Variants in GALNT17 observed in about 807,000 individuals in gnomAD.
GALNT17 encodes polypeptide N-acetylgalactosaminyltransferase 17.
A neutral mutation model predicts 63.7 loss-of-function variants in GALNT17; 29 were observed. The ratio of observed to expected loss-of-function variants is 0.46; its 90% CI spans 0.34 to 0.62. The LOEUF (loss-of-function observed/expected upper bound fraction) is 0.62. GALNT17 is among the 20% of genes least tolerant of loss of function. The pLI is 0.01. For synonymous variants in GALNT17, 305 were observed against 318.3 expected (o/e 0.96, Z 0.45); for missense variants, 603 against 799.6 (o/e 0.75, Z 2.97).
intron 1 of GALNT17, among the ~76,000 whole-genome samples, chr7:71,193,899 C>T (rs1032043742): frequency 2.6e-5 from 4 of 152,150 alleles, no homozygotes; most frequent in African/African-American, 9.7e-5. Context: ...GTTTTACTCT[C>T]TTTCGGGGCG....
At chr7:71,277,567 C>A (rs1227557976) in intron 1 of GALNT17, among the ~76,000 whole-genome samples, 1 of 152,188 alleles carries the variant, frequency 6.6e-6, no homozygotes. Context: ...TGACATGTCA[C>A]ATTTTTAAAA....
intron 6 of GALNT17, among the ~76,000 whole-genome samples, chr7:71,646,609 A>G (rs1430177014): frequency 1.3e-5 from 2 of 152,246 alleles, no homozygotes; most frequent in Non-Finnish European, 2.9e-5. Context: ...CACATGGGTC[A>G]GACCCCTCAT....
chr7:71,663,914 A>T (rs1276980282), intron 6 of GALNT17, among the ~76,000 whole-genome samples: 1 of 152,204 alleles, frequency 6.6e-6, no homozygotes, highest in African/African-American at 2.4e-5. Flanking sequence ...TATGCAGAGC[A>T]TACAGTGTCT....
intron 6 of GALNT17, among the ~76,000 whole-genome samples, chr7:71,601,658 G>A (rs1046368945): frequency 6.6e-6 from 1 of 152,006 alleles, no homozygotes; most frequent in Non-Finnish European, 1.5e-5. Flanking sequence ...GGTAGTGCTC[G>A]CCTGTGGTCC....
At chr7:71,518,453 C>G (rs1427405246) in intron 5 of GALNT17, among the ~76,000 whole-genome samples, 4 of 152,184 alleles carry the variant, frequency 2.6e-5, no homozygotes, top group Non-Finnish European at 4.4e-5. Flanking sequence ...ATGTGCTATG[C>G]TTTGACTGTG....
At chr7:71,690,325 G>C (rs1791423259) in intron 9 of GALNT17, among the ~76,000 whole-genome samples, 1 of 151,040 alleles carries the variant, frequency 6.6e-6, no homozygotes, top group Admixed American at 6.6e-5. Flanking sequence ...CGCCTGGCCG[G>C]TTTGCTGATT....
At chr7:71,589,677 G>C (rs1440521304) in intron 6 of GALNT17, among the ~76,000 whole-genome samples, 1 of 152,112 alleles carries the variant, frequency 6.6e-6, no homozygotes, top group Non-Finnish European at 1.5e-5. Context: ...CAGTGCTCGT[G>C]AGATTTCTGT....
At chr7:71,318,729 C>T (rs1330358232) in intron 1 of GALNT17, among the ~76,000 whole-genome samples, 1 of 152,152 alleles carries the variant, frequency 6.6e-6, no homozygotes, top group East Asian at 1.9e-4. Context: ...CTTGCGGCCC[C>T]CTGCAGCTCT....
chr7:71,578,928 CT>C (rs1789583121), intron 6 of GALNT17, among the ~76,000 whole-genome samples: 2 of 152,164 alleles, frequency 1.3e-5, no homozygotes, highest in Non-Finnish European at 2.9e-5. Context: ...CCAAAGCCTT[CT>C]GTGGCCTGTG....
At chr7:71,408,326 T>C (rs1348102976) in intron 3 of GALNT17, among the ~76,000 whole-genome samples, 1 of 152,212 alleles carries the variant, frequency 6.6e-6, no homozygotes, top group Non-Finnish European at 1.5e-5. Flanking sequence ...AACCCATGCA[T>C]TCACAGTGAG....
At chr7:71,269,831 G>A (rs1381350050) in intron 1 of GALNT17, among the ~76,000 whole-genome samples, 1 of 152,184 alleles carries the variant, frequency 6.6e-6, no homozygotes, top group Non-Finnish European at 1.5e-5. Flanking sequence ...GGGAGGTGAT[G>A]GAAGACGGAT....
intron 1 of GALNT17, among the ~76,000 whole-genome samples, chr7:71,304,901 G>A (rs942641035): frequency 6.6e-6 from 1 of 152,040 alleles, no homozygotes; most frequent in African/African-American, 2.4e-5. Flanking sequence ...CCGCCACCAT[G>A]CCTGACTAAT....
At chr7:71,680,881 T>TCC (rs529056100) in intron 9 of GALNT17, among the ~76,000 whole-genome samples, 1 of 146,878 alleles carries the variant, frequency 6.8e-6, no homozygotes, top group African/African-American at 2.5e-5. Context: ...CTTCCTTCCT[T>TCC]TTCTTCCTTC....
intron 2 of GALNT17, among the ~76,000 whole-genome samples, chr7:71,373,563 T>A (rs908581464): frequency 6.6e-6 from 1 of 152,158 alleles, no homozygotes; most frequent in Admixed American, 6.5e-5. Context: ...CAAGCGAAGC[T>A]TCACCTGTAT....
intron 9 of GALNT17, among the ~76,000 whole-genome samples, chr7:71,702,482 A>T (rs1263441012): frequency 6.6e-6 from 1 of 152,164 alleles, no homozygotes; most frequent in African/African-American, 2.4e-5. Context: ...CTGGAAGCTC[A>T]GAAAGCCATT....
intron 5 of GALNT17, among the ~76,000 whole-genome samples, chr7:71,439,980 C>G (rs1347500350): frequency 7.2e-6 from 1 of 138,324 alleles, no homozygotes; most frequent in South Asian, 2.4e-4. Context: ...GAATTTCACT[C>G]TGTCACCCAG....
intron 2 of GALNT17, among the ~76,000 whole-genome samples, chr7:71,347,699 G>C (rs1045373731): frequency 6.6e-6 from 1 of 152,086 alleles, no homozygotes; most frequent in African/African-American, 2.4e-5. Context: ...TCTGGGGAGG[G>C]TATTTTCCTT....
At chr7:71,206,849 T>C (rs1234531596) in intron 1 of GALNT17, among the ~76,000 whole-genome samples, 1 of 152,146 alleles carries the variant, frequency 6.6e-6, no homozygotes, top group Admixed American at 6.5e-5. Context: ...CTCAAGCCTG[T>C]AATCCCAGCA....
chr7:71,246,957 G>A (rs1329467298), intron 1 of GALNT17, among the ~76,000 whole-genome samples: 1 of 136,960 alleles, frequency 7.3e-6, no homozygotes, highest in South Asian at 2.7e-4. Context: ...GGGGAGGGGG[G>A]AGGGGCAAGG....
Sources: allele counts gnomAD v4.1 joint callset (sites outside exome capture counted in the v4.1 genomes callset), GRCh38; gene constraint gnomAD v4.1.1; transcripts MANE v1.5; gene names NCBI Gene and HGNC (gene_info 2026-07-23, HGNC 2026-07-21).